CEP83: variants seen among roughly 807,000 people sequenced by gnomAD.
The protein encoded by CEP83 is centrosomal protein 83.
A neutral mutation model predicts 101.9 loss-of-function variants in CEP83; 70 were observed. The observed-to-expected ratio is 0.69, with a 90% CI of 0.57 to 0.84. The LOEUF (loss-of-function observed/expected upper bound fraction) is 0.84, where lower values mean the gene tolerates loss of function less well. Ranked by LOEUF, CEP83 falls within the 40% of genes least tolerant of loss-of-function variation. The pLI, the probability that CEP83 is intolerant of heterozygous loss-of-function variation, is 0.00. For missense variants in CEP83, 715 were observed against 787.2 expected (o/e 0.91, Z 1.10); for synonymous variants, 264 against 267.9 (o/e 0.99, Z 0.14).
At chr12:94,296,953 C>G in the CEP83 span, among the ~76,000 whole-genome samples, 2 of 152,116 alleles carry the variant, frequency 1.3e-5, no homozygotes, top group Middle Eastern at 3.2e-3. Flanking sequence ...AGCAAGAGAT[C>G]AGAGATCACT....
chr12:94,449,779 TAAAAAAAAAAAA>T (rs71071787), intron 1 of CEP83, among the ~76,000 whole-genome samples: 795 of 48,588 alleles, frequency 0.016, 7 homozygotes, highest in Non-Finnish European at 0.021. Flanking sequence ...TCTCAAACAA[TAAAAAAAAAAAA>T]AAAAAAAAAA....
At chr12:94,369,165 T>A (rs1033698845) in intron 9 of CEP83, 1 of 152,162 alleles carries the variant, frequency 6.6e-6, no homozygotes, top group African/African-American at 2.4e-5. Context: ...AACTTAAAAA[T>A]AAGCCTACTC....
intron 7 of CEP83, among the ~76,000 whole-genome samples, chr12:94,377,614 C>T (rs995343811): frequency 1.3e-5 from 2 of 152,224 alleles, no homozygotes; most frequent in African/African-American, 2.4e-5. Flanking sequence ...CTGTCATACG[C>T]TTATTTTCAT....
chr12:94,415,248 A>G (rs2064181588), intron 2 of CEP83, among the ~76,000 whole-genome samples: 1 of 152,076 alleles, frequency 6.6e-6, no homozygotes, highest in Admixed American at 6.5e-5. Context: ...GAAATGATAG[A>G]AAAAAAGGGA....
intron 14 of CEP83, chr12:94,313,312 G>C (rs1261542165): frequency 4.7e-6 from 1 of 214,064 alleles, no homozygotes; most frequent in Admixed American, 6.1e-5. Context: ...TTTTACTACT[G>C]AGTCTGCCTG....
intron 6 of CEP83, among the ~76,000 whole-genome samples, chr12:94,398,734 A>G (rs2063060302): frequency 6.6e-6 from 1 of 152,210 alleles, no homozygotes; most frequent in Non-Finnish European, 1.5e-5. Flanking sequence ...GAGAGCCTAT[A>G]AACAGACATG....
At chr12:94,395,843 AC>A (rs1386328446) in intron 6 of CEP83, among the ~76,000 whole-genome samples, 1 of 151,870 alleles carries the variant, frequency 6.6e-6, no homozygotes, top group African/African-American at 2.4e-5. Flanking sequence ...GAAGAAATAA[AC>A]CCCAGCATTT....
At chr12:94,331,599 C>G in intron 14 of CEP83, 101 bp downstream of exon 14, 1 of 967,370 alleles carries the variant, frequency 1.0e-6, no homozygotes, top group African/African-American at 1.6e-5. Flanking sequence ...TCAATGATCT[C>G]CTGACCTCGT....
At chr12:94,366,007 G>A (rs2061008375) in intron 11 of CEP83, among the ~76,000 whole-genome samples, 1 of 152,108 alleles carries the variant, frequency 6.6e-6, no homozygotes, top group African/African-American at 2.4e-5. Flanking sequence ...AATGTAGGAA[G>A]TCTAAACCAG....
intron 11 of CEP83, among the ~76,000 whole-genome samples, chr12:94,365,634 G>A (rs2060982354): frequency 6.6e-6 from 1 of 152,064 alleles, no homozygotes; most frequent in South Asian, 2.1e-4. Flanking sequence ...GCCAGTTGTG[G>A]TGACATACAC....
At chr12:94,279,451 A>C in the CEP83 span, 1 of 1,593,646 alleles carries the variant, frequency 6.3e-7, no homozygotes, top group Non-Finnish European at 8.6e-7. Context: ...TAGACTTGGA[A>C]ACCTGTTTGT....
intron 6 of CEP83, among the ~76,000 whole-genome samples, chr12:94,388,101 C>T (rs1490553631): frequency 6.6e-6 from 1 of 152,196 alleles, no homozygotes; most frequent in Non-Finnish European, 1.5e-5. Flanking sequence ...GAGAGTAAAT[C>T]ATTCTATTAA....
chr12:94,311,371 T>C (rs1003670867), intron 15 of CEP83, among the ~76,000 whole-genome samples: 2 of 152,202 alleles, frequency 1.3e-5, no homozygotes, highest in African/African-American at 4.8e-5. Context: ...GCAAATTAAC[T>C]GAACATGATG....
the CEP83 span, among the ~76,000 whole-genome samples, chr12:94,281,590 TA>T: frequency 6.5e-5 from 7 of 106,886 alleles, no homozygotes; most frequent in South Asian, 1.3e-3. Flanking sequence ...TAAAAACTTT[TA>T]AAAAAAATTT....
chr12:94,345,546 A>C (rs1437041453), intron 11 of CEP83, among the ~76,000 whole-genome samples: 1 of 151,904 alleles, frequency 6.6e-6, no homozygotes, highest in Non-Finnish European at 1.5e-5. Flanking sequence ...TCCTCCTTTT[A>C]CCTGCGCCTT....
At position 94,445,372 on chromosome 12, in the gene CEP83, C is replaced by T. The variant is rs144711863; in HGVS notation, c.-154-10045G>A. Among the ~76,000 whole-genome samples, 304 of 152,002 alleles carry T rather than the reference C, an allele frequency of 2.0e-3. 1 individual carries two copies. Among genetic ancestry groups the T allele is most frequent in the African/African-American group, 6.9e-3 (285 of 41,476 alleles). On this transcript the variant is annotated intron_variant, in intron 1 of 16. Transcript: ENST00000397809. Reference sequence around the variant, plus strand: ...CAGAGGCCTGAATTAAAAACCTAAACTATAAACCTCCTAAAAAAAAATACA... The same window carrying T: ...CAGAGGCCTGAATTAAAAACCTAAATTATAAACCTCCTAAAAAAAAATACA...
rs551797019 is a variant in CEP83, at chr12:94,428,016, A to G, written c.-102+7259T>C. Reference sequence around the variant, plus strand: ...GATTTAGAAAGAAACAAGGGAGAGCAAGGAATGAGAAAAGGAAGAAGATAT... The same window carrying G: ...GATTTAGAAAGAAACAAGGGAGAGCGAGGAATGAGAAAAGGAAGAAGATAT... On this transcript the variant is annotated intron_variant, in intron 2 of 16. Coordinates refer to ENST00000397809, the MANE Select transcript of CEP83 (RefSeq NM_016122.3). Among the ~76,000 whole-genome samples, 11 of 152,350 alleles carry G rather than the reference A, an allele frequency of 7.2e-5. No homozygotes were observed. The South Asian group carries it at 1.4e-3, about 20-fold the overall frequency.
At chr12:94,346,241 C>T (rs1483120590) in intron 11 of CEP83, among the ~76,000 whole-genome samples, 3 of 151,938 alleles carry the variant, frequency 2.0e-5, no homozygotes, top group Non-Finnish European at 2.9e-5. Context: ...TTAGTAGAGA[C>T]GGGGTTTCAC....
intron 11 of CEP83, among the ~76,000 whole-genome samples, chr12:94,343,793 G>C (rs1214830700): frequency 6.6e-6 from 1 of 152,096 alleles, no homozygotes; most frequent in Non-Finnish European, 1.5e-5. Flanking sequence ...GCGCCCAGCC[G>C]AAATTAACTT....
Sources: gnomAD v4.1 joint callset for allele counts (sites outside exome capture counted in the v4.1 genomes callset) on GRCh38, gnomAD v4.1.1 for gene constraint, MANE v1.5 for transcripts, NCBI Gene and HGNC (gene_info 2026-07-23, HGNC 2026-07-21) for gene names.